The following SLIT2 variants were observed in gnomAD, a reference collection of about 807,000 sequenced individuals.
SLIT2 encodes slit guidance ligand 2, also known as slit homolog 2 protein.
Under a neutral mutation model 185.7 loss-of-function variants are expected in SLIT2, and 41 were observed. The ratio of observed to expected loss-of-function variants is 0.22; its 90% confidence interval spans 0.17 to 0.29. SLIT2 has a LOEUF of 0.29. Among genes scored for constraint, SLIT2 ranks in the 10% least tolerant of loss-of-function variants. SLIT2 has a pLI of 1.00. For synonymous variants in SLIT2, 693 were observed against 680.2 expected (o/e 1.02, Z -0.29); for missense variants, 1,571 against 1,909.0 (o/e 0.82, Z 3.30).
intron 9 of SLIT2, among the ~76,000 whole-genome samples, chr4:20,492,122 T>G (rs1390723447): frequency 6.6e-6 from 1 of 151,448 alleles, no homozygotes; most frequent in African/African-American, 2.5e-5. Flanking sequence ...AAGGAATACA[T>G]TTTTTAGGAA....
intron 11 of SLIT2, among the ~76,000 whole-genome samples, chr4:20,516,165 A>G (rs1002130849): frequency 6.6e-6 from 1 of 152,174 alleles, no homozygotes; most frequent in Non-Finnish European, 1.5e-5. Context: ...GTCACCAGCT[A>G]TTGCTGCCTC....
At chr4:20,359,409 G>A (rs1031828198) in intron 4 of SLIT2, among the ~76,000 whole-genome samples, 8 of 151,922 alleles carry the variant, frequency 5.3e-5, no homozygotes, top group African/African-American at 1.7e-4. Context: ...GAAGGTATTC[G>A]GATGCCACTT....
At chr4:20,304,904 AAATG>A (rs1717394803) in intron 4 of SLIT2, among the ~76,000 whole-genome samples, 1 of 152,206 alleles carries the variant, frequency 6.6e-6, no homozygotes. Context: ...TATAACTTCA[AAATG>A]AATGGAGAAT....
At chr4:20,349,259 AT>A (rs1304538780) in intron 4 of SLIT2, among the ~76,000 whole-genome samples, 62 of 152,340 alleles carry the variant, frequency 4.1e-4, no homozygotes, top group African/African-American at 1.5e-3. Context: ...CGTCCTTACT[AT>A]TAAGTAGCTG....
chr4:20,427,393 A>G (rs1029309728), intron 4 of SLIT2, among the ~76,000 whole-genome samples: 1 of 152,180 alleles, frequency 6.6e-6, no homozygotes, highest in African/African-American at 2.4e-5. Context: ...AGGTCATAGG[A>G]AAAATTATAT....
chr4:20,417,847 C>G (rs898943439), intron 4 of SLIT2, among the ~76,000 whole-genome samples: 6 of 152,110 alleles, frequency 3.9e-5, no homozygotes, highest in African/African-American at 1.2e-4. Flanking sequence ...ATAGCCAACT[C>G]CTTCTTATCC....
intron 4 of SLIT2, among the ~76,000 whole-genome samples, chr4:20,403,439 A>G (rs1726513802): frequency 6.6e-6 from 1 of 151,876 alleles, no homozygotes. Flanking sequence ...CTGGATTGTT[A>G]TTCTGTTAGC....
chr4:20,315,845 A>G (rs1718529031), intron 4 of SLIT2, among the ~76,000 whole-genome samples: 1 of 152,066 alleles, frequency 6.6e-6, no homozygotes, highest in South Asian at 2.1e-4. Flanking sequence ...ATACATACAC[A>G]CACATAATCT....
intron 4 of SLIT2, among the ~76,000 whole-genome samples, chr4:20,432,501 TCATAG>T (rs1186202379): frequency 1.3e-5 from 2 of 149,236 alleles, no homozygotes; most frequent in Non-Finnish European, 3.0e-5. Context: ...GAGCCTTCAT[TCATAG>T]CTGCAGACTG....
At position 20,354,902 on chromosome 4, in the gene SLIT2, TGTGTGAGAGAGAGAGAGA is replaced by T. The variant is rs1238143437; in HGVS notation, c.395+86023_395+86040del. Reference sequence around the variant, plus strand: ...GCAAGTCTGCGTGTGTGTGTGTGTGTGTGTGAGAGAGAGAGAGAGAGAGAGAGAGAGAGAGAGAGAGAG... The same window carrying T: ...GCAAGTCTGCGTGTGTGTGTGTGTGTGAGAGAGAGAGAGAGAGAGAGAGAG... On this transcript the variant is annotated intron_variant, in intron 4 of 36. Coordinates refer to ENST00000504154, the MANE Select transcript of SLIT2 (RefSeq NM_004787.4). Among the ~76,000 whole-genome samples the T allele has an allele frequency of 6.9e-4, 74 of 106,490 alleles. 1 individual carries two copies. Among genetic ancestry groups the T allele is most frequent in the African/African-American group, 1.6e-3 (53 of 32,600 alleles). 69.9% of individuals were successfully genotyped at this position (106,490 alleles called of 152,430 possible).
chr4:20,279,344 A>C (rs1307626968), intron 4 of SLIT2, among the ~76,000 whole-genome samples: 3 of 152,206 alleles, frequency 2.0e-5, no homozygotes, highest in Non-Finnish European at 2.9e-5. Flanking sequence ...GATCTACCGT[A>C]TCTCAAGCAA....
chr4:20,261,016 G>C (rs1465229809), intron 3 of SLIT2, among the ~76,000 whole-genome samples: 1 of 151,652 alleles, frequency 6.6e-6, no homozygotes, highest in African/African-American at 2.4e-5. Context: ...GTGCATCACT[G>C]TAAAAGGAGG....
chr4:20,288,014 G>A (rs1192818566), intron 4 of SLIT2, among the ~76,000 whole-genome samples: 1 of 152,036 alleles, frequency 6.6e-6, no homozygotes, highest in African/African-American at 2.4e-5. Flanking sequence ...TCAGTAACAT[G>A]GTATCTGATT....
chr4:20,489,071 T>G, intron 8 of SLIT2, 89 bp downstream of exon 8: 1 of 1,044,982 alleles, frequency 9.6e-7, no homozygotes, highest in Non-Finnish European at 1.4e-6. Context: ...AAGGTTTCAG[T>G]ATTGTTCACT....
At chr4:20,477,306 A>G (rs1174833960) in intron 5 of SLIT2, among the ~76,000 whole-genome samples, 9 of 151,994 alleles carry the variant, frequency 5.9e-5, no homozygotes, top group South Asian at 2.1e-4. Context: ...GGTTCAAGCA[A>G]TTATCCTGCC....
Position 20,476,534 on chromosome 4 carries a change from T to C in SLIT2, c.468-4182T>C, listed in dbSNP as rs191992852. Among the ~76,000 whole-genome samples the C allele has an allele frequency of 5.3e-5, 8 of 152,224 alleles. 1 individual carries two copies. The East Asian group carries it at 1.4e-3, about 26-fold the overall frequency. On this transcript the variant is annotated intron_variant, in intron 5 of 36. Transcript: ENST00000504154. ...ATAATTTTGTTGAGACATTGAGAGA[T>C]CCAGATTGACTTAGAAATTATTAAA...
chr4:20,473,952 A>G (rs1049914418), intron 5 of SLIT2, among the ~76,000 whole-genome samples: 1 of 152,010 alleles, frequency 6.6e-6, no homozygotes, highest in African/African-American at 2.4e-5. Flanking sequence ...TTTATTTCAA[A>G]TCCATTGATA....
intron 4 of SLIT2, among the ~76,000 whole-genome samples, chr4:20,317,063 G>T (rs2109151425): frequency 6.6e-6 from 1 of 151,588 alleles, no homozygotes; most frequent in East Asian, 1.9e-4. Flanking sequence ...GTATCGTTTG[G>T]TTTACTTACT....
intron 4 of SLIT2, among the ~76,000 whole-genome samples, chr4:20,463,491 A>ATATGTG (rs1491274435): frequency 3.2e-4 from 31 of 96,172 alleles, no homozygotes; most frequent in African/African-American, 9.1e-4. Context: ...ATATATATAT[A>ATATGTG]TGTGTGTGTG....
Sources: gnomAD v4.1 joint callset for allele counts (sites outside exome capture counted in the v4.1 genomes callset) on GRCh38, gnomAD v4.1.1 for gene constraint, MANE v1.5 for transcripts, NCBI Gene and HGNC (gene_info 2026-07-23, HGNC 2026-07-21) for gene names.